The following SUFU variants were observed in gnomAD, a reference collection of about 807,000 sequenced individuals.
SUFU encodes the protein suppressor of fused homolog.
A neutral mutation model predicts 58.9 loss-of-function variants in SUFU; 7 were observed. The ratio of observed to expected loss-of-function variants is 0.12; its 90% CI spans 0.07 to 0.22. The LOEUF (loss-of-function observed/expected upper bound fraction) is 0.22, where lower values mean the gene tolerates loss of function less well. Ranked by LOEUF, SUFU falls within the 10% of genes least tolerant of loss-of-function variation. The pLI, the probability that SUFU is intolerant of heterozygous loss-of-function variation, is 1.00. For synonymous variants in SUFU, 232 were observed against 254.8 expected (o/e 0.91, Z 0.85); for missense variants, 451 against 641.3 (o/e 0.70, Z 3.20).
At chr10:102,610,346 T>C (rs1235313599) in intron 8 of SUFU, among the ~76,000 whole-genome samples, 1 of 130,792 alleles carries the variant, frequency 7.6e-6, no homozygotes, top group Non-Finnish European at 1.5e-5. Flanking sequence ...TGAGCCGAGA[T>C]CACACCATTG....
intron 2 of SUFU, among the ~76,000 whole-genome samples, chr10:102,548,188 T>G (rs922162588): frequency 1.3e-5 from 2 of 152,220 alleles, no homozygotes; most frequent in Middle Eastern, 3.4e-3. Flanking sequence ...GATAGAGAGA[T>G]AGATAGATAG....
intron 5 of SUFU, 109 bp from the exon 6 acceptor site, chr10:102,593,884 A>ACTATTCC: frequency 1.4e-6 from 2 of 1,442,688 alleles, no homozygotes; most frequent in South Asian, 2.3e-5. Context: ...CTGACCACGA[A>ACTATTCC]CTATTCCCCT....
intron 8 of SUFU, among the ~76,000 whole-genome samples, chr10:102,603,496 T>C (rs558032973): frequency 3.3e-5 from 5 of 152,316 alleles, no homozygotes; most frequent in East Asian, 3.9e-4. Flanking sequence ...TGCACACTTA[T>C]GTTAGAGGGG....
At chr10:102,514,459 A>T (rs1362342683) in intron 2 of SUFU, among the ~76,000 whole-genome samples, 1 of 152,238 alleles carries the variant, frequency 6.6e-6, no homozygotes, top group Non-Finnish European at 1.5e-5. Flanking sequence ...GCAAGAGAGC[A>T]CTTGTTTTGA....
At chr10:102,549,616 G>T (rs866626182) in intron 2 of SUFU, among the ~76,000 whole-genome samples, 1 of 152,342 alleles carries the variant, frequency 6.6e-6, no homozygotes, top group East Asian at 1.9e-4. Flanking sequence ...TAGCTTGAAG[G>T]AATAAGGAGC....
At chr10:102,579,959 C>T in intron 3 of SUFU, 1 of 706,066 alleles carries the variant, frequency 1.4e-6, no homozygotes, top group Admixed American at 6.3e-5. Flanking sequence ...CTATGAAGAA[C>T]TTTACCTTCT....
At chr10:102,605,546 T>C (rs1217893274) in intron 8 of SUFU, among the ~76,000 whole-genome samples, 1 of 152,230 alleles carries the variant, frequency 6.6e-6, no homozygotes, top group Non-Finnish European at 1.5e-5. Context: ...TGGTGTTTAC[T>C]ATTCACCTTT....
chr10:102,565,864 C>T (rs145631077), intron 3 of SUFU, among the ~76,000 whole-genome samples: 1 of 152,134 alleles, frequency 6.6e-6, no homozygotes, highest in African/African-American at 2.4e-5. Context: ...TTATTTGATA[C>T]AGGCATTCAG....
chr10:102,603,362 C>T (rs4917977), intron 8 of SUFU, among the ~76,000 whole-genome samples: 68,810 of 151,760 alleles, frequency 0.45, 15,990 homozygotes, highest in East Asian at 0.68. Context: ...ATGCTGGGAA[C>T]CTGCACCAGT....
At chr10:102,593,769 G>C (rs1019133049) in intron 5 of SUFU, 48 bp downstream of exon 5, 7 of 1,588,166 alleles carry the variant, frequency 4.4e-6, no homozygotes, top group African/African-American at 1.3e-5. Flanking sequence ...GCCTGGGGGT[G>C]GGAGTCCCTC....
Position 102,526,326 on chromosome 10 carries a change from G to T in SUFU, c.317+17023G>T, listed in dbSNP as rs369504567. Reference sequence around the variant, plus strand: ...CCAGCACTTTGGGAGGCCACGGGGGGGTGGATCACTTGAGCCAGGAGTTCG... The same window carrying T: ...CCAGCACTTTGGGAGGCCACGGGGGTGTGGATCACTTGAGCCAGGAGTTCG... On this transcript the variant is annotated intron_variant, in intron 2 of 11. Transcript: ENST00000369902. Among the ~76,000 whole-genome samples, 36 of 152,276 alleles carry T rather than the reference G, an allele frequency of 2.4e-4. 1 individual carries two copies. In the South Asian group the frequency reaches 5.0e-3, roughly 21 times the overall value.
chr10:102,595,004 G>T (rs905464986), intron 6 of SUFU, among the ~76,000 whole-genome samples: 2 of 152,200 alleles, frequency 1.3e-5, no homozygotes, highest in Non-Finnish European at 2.9e-5. Context: ...ACAGGTTTGA[G>T]CTAGTGCGCC....
At chr10:102,524,822 A>G (rs1246313672) in intron 2 of SUFU, among the ~76,000 whole-genome samples, 1 of 152,232 alleles carries the variant, frequency 6.6e-6, no homozygotes, top group Non-Finnish European at 1.5e-5. Flanking sequence ...TCTCCAGTAC[A>G]TCAGTAAATA....
At chr10:102,611,980 C>A (rs2063628768) in intron 8 of SUFU, among the ~76,000 whole-genome samples, 1 of 152,124 alleles carries the variant, frequency 6.6e-6, no homozygotes, top group Admixed American at 6.5e-5. Flanking sequence ...AGAAAACAGC[C>A]CAGCTGAAAA....
At chr10:102,540,847 C>A (rs1439818016) in intron 2 of SUFU, among the ~76,000 whole-genome samples, 1 of 151,802 alleles carries the variant, frequency 6.6e-6, no homozygotes, top group Admixed American at 6.6e-5. Context: ...CATGGTGAAA[C>A]CCTGTCTCTA....
At chr10:102,596,511 C>T (rs986132953) in intron 6 of SUFU, among the ~76,000 whole-genome samples, 1 of 152,170 alleles carries the variant, frequency 6.6e-6, no homozygotes, top group Non-Finnish European at 1.5e-5. Flanking sequence ...ACTCTAGGCC[C>T]CCATTTCAGT....
intron 2 of SUFU, among the ~76,000 whole-genome samples, chr10:102,544,131 A>T (rs2062830931): frequency 6.6e-6 from 1 of 152,092 alleles, no homozygotes; most frequent in African/African-American, 2.4e-5. Context: ...AGTTATACAG[A>T]CTTCAAGTTC....
intron 11 of SUFU, 109 bp downstream of exon 11, chr10:102,627,352 G>A (rs1431015094): frequency 8.7e-6 from 9 of 1,030,726 alleles, no homozygotes; most frequent in Non-Finnish European, 1.4e-5. Context: ...TGTGGTGCGT[G>A]TGTGCTTGCA....
At chr10:102,546,442 A>G (rs1033745851) in intron 2 of SUFU, among the ~76,000 whole-genome samples, 4 of 152,214 alleles carry the variant, frequency 2.6e-5, no homozygotes, top group African/African-American at 9.7e-5. Context: ...TCTGTGTTAG[A>G]AAAATGCTTT....
Sources: allele counts gnomAD v4.1 joint callset (sites outside exome capture counted in the v4.1 genomes callset), GRCh38; gene constraint gnomAD v4.1.1; transcripts MANE v1.5; gene names NCBI Gene and HGNC (gene_info 2026-07-23, HGNC 2026-07-21).